The following CCNB3 variants were observed in gnomAD, a reference collection of about 807,000 sequenced individuals.
CCNB3 encodes the protein G2/mitotic-specific cyclin-B3.
CCNB3 carries 12 observed loss-of-function variants against 68.0 expected under a neutral mutation model. The ratio of observed to expected loss-of-function variants is 0.18; its 90% CI spans 0.11 to 0.29. CCNB3 has a LOEUF of 0.29. Ranked by LOEUF, CCNB3 falls within the 10% of genes least tolerant of loss-of-function variation. The pLI, the probability that CCNB3 is intolerant of heterozygous loss-of-function variation, is 1.00. For synonymous variants in CCNB3, 354 were observed against 388.9 expected, an observed-to-expected ratio of 0.91 and a Z score of 1.06; for missense variants, 904 against 993.1, an observed-to-expected ratio of 0.91 and a Z score of 1.21.
intron 8 of CCNB3, among the ~76,000 whole-genome samples, chrX:50,334,746 G>T (rs1922766763): frequency 8.9e-6 from 1 of 112,380 alleles, no homozygotes; most frequent in Admixed American, 9.4e-5. Flanking sequence ...GCTTGCTGTT[G>T]TAGAGGCCCC....
chrX:50,330,548 G>T (rs782370139), intron 8 of CCNB3, among the ~76,000 whole-genome samples: 1 of 112,156 alleles, frequency 8.9e-6, no homozygotes, highest in South Asian at 3.8e-4. Context: ...GATCGATAGT[G>T]ATTCATATAG....
intron 1 of CCNB3, among the ~76,000 whole-genome samples, chrX:50,228,688 A>G (rs1935983042): frequency 1.2e-5 from 1 of 82,097 alleles, no homozygotes; most frequent in Admixed American, 1.7e-4. Context: ...TATAGAATAT[A>G]TACATAGAAT....
At chrX:50,305,088 T>A (rs1356430942) in intron 5 of CCNB3, among the ~76,000 whole-genome samples, 9 of 111,697 alleles carry the variant, frequency 8.1e-5, no homozygotes, top group Non-Finnish European at 1.5e-4. Flanking sequence ...CTTGTGGAAG[T>A]CAGTGTGGCG....
intron 1 of CCNB3, among the ~76,000 whole-genome samples, chrX:50,225,475 A>G (rs912889104): frequency 8.1e-5 from 9 of 110,442 alleles, no homozygotes; most frequent in Admixed American, 3.9e-4. Flanking sequence ...AGGGAGGGAC[A>G]CGATACCATT....
chrX:50,322,442 C>A (rs377129768), intron 8 of CCNB3, among the ~76,000 whole-genome samples: 9 of 111,301 alleles, frequency 8.1e-5, no homozygotes, highest in East Asian at 2.8e-4. Context: ...TAAAGACTTA[C>A]ATGTTAGACC....
intron 1 of CCNB3, among the ~76,000 whole-genome samples, chrX:50,218,534 T>A (rs1259094585): frequency 8.9e-6 from 1 of 111,776 alleles, no homozygotes; most frequent in Non-Finnish European, 1.9e-5. Flanking sequence ...ATGTGGTGTT[T>A]GGTTTGCTGT....
chrX:50,210,854 C>T (rs1300586288), intron 1 of CCNB3, among the ~76,000 whole-genome samples: 5 of 111,732 alleles, frequency 4.5e-5, no homozygotes, highest in African/African-American at 9.8e-5. Context: ...TAACGAGTCA[C>T]GCTGGAGATG....
At chrX:50,343,834 TAA>T (rs1923260481) in intron 9 of CCNB3, among the ~76,000 whole-genome samples, 1 of 112,603 alleles carries the variant, frequency 8.9e-6, no homozygotes, top group Non-Finnish European at 1.9e-5. Context: ...TTTTACAAAA[TAA>T]AGTTACAGTA....
intron 5 of CCNB3, among the ~76,000 whole-genome samples, chrX:50,302,446 T>C (rs1936669195): frequency 8.9e-6 from 1 of 112,140 alleles, no homozygotes; most frequent in African/African-American, 3.2e-5. Flanking sequence ...GTCTTTATTT[T>C]TTTTAGTAAC....
chrX:50,318,016 G>A (rs782727321), intron 8 of CCNB3, among the ~76,000 whole-genome samples: 9 of 110,903 alleles, frequency 8.1e-5, no homozygotes, highest in Admixed American at 5.8e-4. Context: ...CTAATGCCAC[G>A]TGTGGGAATT....
At chrX:50,204,732 C>CCT (rs1383932502), upstream of CCNB3, 1 of 108,195 alleles carries the variant, frequency 9.2e-6, no homozygotes, top group Non-Finnish European at 1.9e-5. Context: ...AATCCGGCCG[C>CCT]CTCTCGTACC....
At chrX:50,321,452 C>T (rs1473361704) in intron 8 of CCNB3, among the ~76,000 whole-genome samples, 1 of 110,941 alleles carries the variant, frequency 9.0e-6, no homozygotes, top group Non-Finnish European at 1.9e-5. Context: ...CTTTTAAATC[C>T]TTAGTCTATT....
intron 8 of CCNB3, among the ~76,000 whole-genome samples, chrX:50,333,437 C>G (rs782233408): frequency 7.9e-4 from 89 of 112,085 alleles, no homozygotes; most frequent in Non-Finnish European, 1.5e-3. Flanking sequence ...CTGGGTGGAA[C>G]AGTGGGGCCT....
chrX:50,206,895 C>T (rs1222566318), intron 1 of CCNB3, among the ~76,000 whole-genome samples: 1 of 111,671 alleles, frequency 9.0e-6, no homozygotes, highest in Non-Finnish European at 1.9e-5. Context: ...CTCCAGCCTC[C>T]TGTGCCTCTT....
chrX:50,281,346 G>A (rs1936133307), intron 1 of CCNB3, among the ~76,000 whole-genome samples: 1 of 110,402 alleles, frequency 9.1e-6, no homozygotes, highest in South Asian at 4.0e-4. Flanking sequence ...ACGGACTCGA[G>A]TCGCTATAGT....
intron 1 of CCNB3, among the ~76,000 whole-genome samples, chrX:50,218,276 G>C (rs1935612281): frequency 9.0e-6 from 1 of 111,124 alleles, no homozygotes; most frequent in African/African-American, 3.3e-5. Flanking sequence ...ATTGATCATA[G>C]AGTTCTCGTA....
At chrX:50,347,943 A>T (rs1277862748) in intron 11 of CCNB3, among the ~76,000 whole-genome samples, 168 bp downstream of exon 11, 1 of 111,719 alleles carries the variant, frequency 9.0e-6, no homozygotes, top group Non-Finnish European at 1.9e-5. Flanking sequence ...GGGCTTCTAC[A>T]GCAATGGTTT....
intron 1 of CCNB3, among the ~76,000 whole-genome samples, chrX:50,228,704 TAG>T (rs1380838399): frequency 0.02 from 1,587 of 81,124 alleles, 42 homozygotes; most frequent in African/African-American, 0.074. Flanking sequence ...AGAATATATA[TAG>T]AATATATATA....
intron 1 of CCNB3, among the ~76,000 whole-genome samples, chrX:50,209,504 C>T (rs373277428): frequency 1.1e-4 from 12 of 110,709 alleles, no homozygotes; most frequent in African/African-American, 3.9e-4. Flanking sequence ...TATAGGTACC[C>T]GCCACTACGC....
Sources: gnomAD v4.1 joint callset for allele counts (sites outside exome capture counted in the v4.1 genomes callset) on GRCh38, gnomAD v4.1.1 for gene constraint, MANE v1.5 for transcripts, NCBI Gene and HGNC (gene_info 2026-07-23, HGNC 2026-07-21) for gene names.